The following CEACAM3 variants were observed in gnomAD, a reference collection of about 807,000 sequenced individuals.
CEACAM3 encodes the protein CEA cell adhesion molecule 3.
A neutral mutation model predicts 30.1 loss-of-function variants in CEACAM3; 32 were observed. The observed-to-expected ratio is 1.06, with a 90% CI of 0.80 to 1.43. The LOEUF (loss-of-function observed/expected upper bound fraction) is 1.43, where lower values mean the gene tolerates loss of function less well. Ranked by LOEUF, CEACAM3 falls within the 40% of genes most tolerant of loss-of-function variation. The pLI is 0.00. For missense variants in CEACAM3, 290 were observed against 316.3 expected, an observed-to-expected ratio of 0.92 and a Z score of 0.63; for synonymous variants, 134 against 127.2, an observed-to-expected ratio of 1.05 and a Z score of -0.36.
At chr19:41,811,140 G>C in intron 6 of CEACAM3, 32 bp from the exon 7 acceptor site, 1 of 1,610,200 alleles carries the variant, frequency 6.2e-7, no homozygotes, top group Non-Finnish European at 8.5e-7. Context: ...GAGGAGACTA[G>C]AGGGGTCCAG....
chr19:41,806,554 C>T (rs1408385300), intron 2 of CEACAM3, among the ~76,000 whole-genome samples: 1 of 152,228 alleles, frequency 6.6e-6, no homozygotes, highest in African/African-American at 2.4e-5. Context: ...CTGCTTAATT[C>T]ACAGTTGAGA....
At chr19:41,801,265 G>T (rs782051942) in intron 2 of CEACAM3, among the ~76,000 whole-genome samples, 1 of 152,164 alleles carries the variant, frequency 6.6e-6, no homozygotes, top group Non-Finnish European at 1.5e-5. Context: ...ATAAAAAAAG[G>T]CACAGAAATC....
chr19:41,804,140 G>T (rs10401528), intron 2 of CEACAM3, among the ~76,000 whole-genome samples: 75,064 of 151,280 alleles, frequency 0.5, 21,221 homozygotes, highest in Middle Eastern at 0.73. Context: ...TCACATTCAA[G>T]ATTTTGTATT....
chr19:41,801,353 T>C (rs188727581), intron 2 of CEACAM3, among the ~76,000 whole-genome samples: 7 of 152,046 alleles, frequency 4.6e-5, no homozygotes, highest in Admixed American at 1.3e-4. Flanking sequence ...TTCCACTGTG[T>C]CCCCACCCAG....
chr19:41,803,700 T>TACCTGTAGTGGGTAAATGGTCAGAG (rs1600518381), intron 2 of CEACAM3, among the ~76,000 whole-genome samples: 16 of 144,978 alleles, frequency 1.1e-4, no homozygotes, highest in South Asian at 2.4e-4. Flanking sequence ...CCTCCCAACC[T>TACCTGTAGTGGGTAAATGGTCAGAG]CATGATCTGC....
At position 41,797,633 on chromosome 19, in the gene CEACAM3, A is replaced by C; in HGVS notation, c.109A>C (p.Thr37Pro). ...GAACCCGCCCACCACTGCCAAGCTCACTATTGAATCCATGCCGCTCAGTGT... is the reference window on the plus strand; with the variant it reads ...GAACCCGCCCACCACTGCCAAGCTCCCTATTGAATCCATGCCGCTCAGTGT... Reference protein sequence around the residue: ...FWNPPTTAKLTIESMPLSVAE... With the variant: ...FWNPPTTAKLPIESMPLSVAE... Residue 37 changes from threonine to proline, a missense_variant, in exon 2 of 7, where the codon ACT becomes CCT. Thr to Pro is a conservative substitution (Grantham distance 38). Coordinates refer to ENST00000357396, the MANE Select transcript of CEACAM3 (RefSeq NM_001815.5). 5 of 1,613,996 alleles carry C rather than the reference A, an allele frequency of 3.1e-6. No individual in the cohort carries two copies. The highest frequency in any genetic ancestry group is 4.2e-6 in the Non-Finnish European group (5 of 1,179,922).
chr19:41,810,929 C>T, intron 6 of CEACAM3, 32 bp downstream of exon 6: 1 of 1,586,666 alleles, frequency 6.3e-7, no homozygotes, highest in Non-Finnish European at 8.6e-7. Flanking sequence ...TCTGGTCCCA[C>T]AGGCCCCAGG....
intron 1 of CEACAM3, chr19:41,797,294 G>A (rs2073109551): frequency 2.5e-6 from 1 of 396,684 alleles, no homozygotes. Context: ...GAAGACCCAG[G>A]GTCTCTAGAG....
intron 2 of CEACAM3, 77 bp from the exon 3 acceptor site, chr19:41,808,736 C>A (rs2073223511): frequency 8.6e-7 from 1 of 1,160,996 alleles, no homozygotes; most frequent in Non-Finnish European, 1.3e-6. Context: ...TGACTGCACA[C>A]CTTCCCTGCA....
rs145512243 is a variant in CEACAM3 at position 41,807,716 on chromosome 19, C to A, written c.425-1097C>A. The A allele has an allele frequency of 5.2e-4, 407 of 780,660 alleles. 4 individuals are homozygous for A. In the East Asian group the frequency reaches 0.017, roughly 32 times the overall value. The allele number at this position is 780,660 out of a possible 1,614,324, so 48.4% of individuals were successfully genotyped here. A position where few individuals can be genotyped will look rare whatever the true frequency, so the allele number is the denominator to read the frequency against. Reference sequence around the variant, plus strand: ...AGGGACACTGTGGCTCTTCCACAGACCAGGAGCTTCCCCTTCCCTTTGATG... The same window carrying A: ...AGGGACACTGTGGCTCTTCCACAGAACAGGAGCTTCCCCTTCCCTTTGATG... On this transcript the variant is annotated intron_variant, in intron 2 of 6. Coordinates refer to ENST00000357396, the MANE Select transcript of CEACAM3 (RefSeq NM_001815.5).
At chr19:41,808,572 G>A (rs2073221731) in intron 2 of CEACAM3, among the ~76,000 whole-genome samples, 1 of 152,232 alleles carries the variant, frequency 6.6e-6, no homozygotes, top group Non-Finnish European at 1.5e-5. Flanking sequence ...ACAGGAGCAG[G>A]GTGAGGTGCA....
At chr19:41,809,838 A>C in intron 3 of CEACAM3, 127 bp from the exon 4 acceptor site, 1 of 895,080 alleles carries the variant, frequency 1.1e-6, no homozygotes, top group Non-Finnish European at 1.8e-6. Context: ...CCTAACACAA[A>C]CCTGAGGGAG....
intron 5 of CEACAM3, among the ~76,000 whole-genome samples, 173 bp from the exon 6 acceptor site, chr19:41,810,659 G>A (rs1304727567): frequency 6.6e-6 from 1 of 152,176 alleles, no homozygotes; most frequent in African/African-American, 2.4e-5. Flanking sequence ...GGTGGGCCCA[G>A]CCAGGAAAAG....
intron 2 of CEACAM3, among the ~76,000 whole-genome samples, chr19:41,808,100 A>G (rs1209101529): frequency 6.6e-6 from 1 of 152,274 alleles, no homozygotes; most frequent in African/African-American, 2.4e-5. Flanking sequence ...AGAGCCTAGA[A>G]GTTTATTTCC....
intron 2 of CEACAM3, among the ~76,000 whole-genome samples, chr19:41,808,417 G>T (rs550647230): frequency 2.6e-5 from 4 of 152,312 alleles, no homozygotes; most frequent in East Asian, 1.9e-4. Flanking sequence ...CACATGGAAG[G>T]CCCCTGAAAA....
chr19:41,810,383 T>G, intron 5 of CEACAM3, 29 bp downstream of exon 5: 2 of 1,587,838 alleles, frequency 1.3e-6, no homozygotes, highest in African/African-American at 2.7e-5. Flanking sequence ...AGCCCCTTTC[T>G]ACTGGGGTCC....
At chr19:41,809,140 T>C (rs1171558296) in intron 3 of CEACAM3, 6 of 463,792 alleles carry the variant, frequency 1.3e-5, no homozygotes, top group African/African-American at 2.0e-5. Context: ...TTTGGCCCAA[T>C]TAAGGCCCCA....
At chr19:41,798,893 G>A (rs1242624976) in intron 2 of CEACAM3, among the ~76,000 whole-genome samples, 2 of 152,118 alleles carry the variant, frequency 1.3e-5, no homozygotes, top group South Asian at 2.1e-4. Flanking sequence ...GACAGTCACC[G>A]ACTAGGGTCA....
intron 2 of CEACAM3, among the ~76,000 whole-genome samples, chr19:41,798,678 C>G (rs540940945): frequency 3.3e-5 from 5 of 152,316 alleles, no homozygotes; most frequent in African/African-American, 1.2e-4. Context: ...AGAAGATGCT[C>G]CCAGCAGCTC....
Sources: gnomAD v4.1 joint callset for allele counts (sites outside exome capture counted in the v4.1 genomes callset) on GRCh38, gnomAD v4.1.1 for gene constraint, MANE v1.5 for transcripts, NCBI Gene and HGNC (gene_info 2026-07-23, HGNC 2026-07-21) for gene names.